The following FYB2 variants were observed in gnomAD, a reference collection of about 807,000 sequenced individuals.
FYB2 encodes FYN binding protein 2, also known as FYN-binding protein 2.
FYB2 carries 103 observed loss-of-function variants against 94.1 expected under a neutral mutation model. The ratio of observed to expected loss-of-function variants is 1.09; its 90% CI spans 0.93 to 1.29. The LOEUF is 1.29. Ranked by LOEUF, FYB2 falls within the 50% of genes most tolerant of loss-of-function variation. FYB2 has a pLI of 0.00. For synonymous variants in FYB2, 293 were observed against 287.9 expected (o/e 1.02, Z -0.18); for missense variants, 896 against 841.5 (o/e 1.06, Z -0.80).
chr1:56,744,860 C>CT (rs1400628998), intron 9 of FYB2, among the ~76,000 whole-genome samples: 1 of 152,026 alleles, frequency 6.6e-6, no homozygotes, highest in Non-Finnish European at 1.5e-5. Context: ...ACTGCCACCT[C>CT]TTTATCTGTT....
At chr1:56,793,427 A>G (rs1016060383) in intron 1 of FYB2, among the ~76,000 whole-genome samples, 4 of 152,148 alleles carry the variant, frequency 2.6e-5, no homozygotes, top group African/African-American at 9.7e-5. Context: ...ACTTAATTCA[A>G]TATGCAAAAA....
intron 1 of FYB2, among the ~76,000 whole-genome samples, chr1:56,798,649 GATAATA>G (rs924890636): frequency 6.6e-6 from 1 of 151,870 alleles, no homozygotes; most frequent in African/African-American, 2.4e-5. Context: ...AAGGAATAAT[GATAATA>G]ATAATAATAA....
At chr1:56,752,476 G>A (rs1481074380) in intron 8 of FYB2, among the ~76,000 whole-genome samples, 2 of 152,036 alleles carry the variant, frequency 1.3e-5, no homozygotes, top group Non-Finnish European at 2.9e-5. Context: ...GTAATTAATA[G>A]ACATAAGGAG....
chr1:56,803,567 T>G (rs1646570187), intron 1 of FYB2, among the ~76,000 whole-genome samples: 1 of 152,228 alleles, frequency 6.6e-6, no homozygotes, highest in South Asian at 2.1e-4. Flanking sequence ...CACACAAAAA[T>G]GTTGCAGGGA....
At chr1:56,759,610 G>T (rs1183880785) in intron 5 of FYB2, among the ~76,000 whole-genome samples, 1 of 152,110 alleles carries the variant, frequency 6.6e-6, no homozygotes, top group African/African-American at 2.4e-5. Flanking sequence ...TGTAGCACAT[G>T]ACTATATTAA....
In FYB2 at chr1:56,792,636, G is replaced by A. The variant is rs1646298664; in HGVS notation, c.177C>T (p.His59=). 4 of 1,614,118 alleles carry A rather than the reference G, an allele frequency of 2.5e-6. No individual in the cohort carries two copies. The highest frequency in any genetic ancestry group is 3.4e-6 in the Non-Finnish European group (4 of 1,180,012). ...TGGAACAGTATGGTGTGCGCTGCTT[G>A]TGGTTGGATGAGAGGGGTTTCCCAT... is the stretch of plus-strand genomic sequence containing the variant. The part of the protein sequence containing the change: ...LANGKPLSSN[H]KQRTPYCSSS... The change falls in exon 2 of 20, where the codon CAC becomes CAT. Residue 59 remains histidine, a synonymous_variant. Transcript: ENST00000343433.
intron 5 of FYB2, among the ~76,000 whole-genome samples, chr1:56,765,888 A>G (rs528714085): frequency 4.6e-5 from 7 of 152,286 alleles, no homozygotes; most frequent in Non-Finnish European, 5.9e-5. Context: ...AATAGGACAA[A>G]AGTACATCTG....
chr1:56,778,919 T>C (rs1048199348), intron 4 of FYB2, among the ~76,000 whole-genome samples: 1 of 152,160 alleles, frequency 6.6e-6, no homozygotes, highest in Non-Finnish European at 1.5e-5. Flanking sequence ...TGGAGTTCAA[T>C]AATTATTGAA....
At chr1:56,736,443 T>TTTC (rs1644832875) in intron 15 of FYB2, among the ~76,000 whole-genome samples, 1 of 144,452 alleles carries the variant, frequency 6.9e-6, no homozygotes, top group African/African-American at 2.5e-5. Context: ...TTTTTTTTTT[T>TTTC]GGAACAGAGC....
rs189291210 is a variant in FYB2 at position 56,815,023 on chromosome 1, G to A, written c.9+4259C>T. The stretch of plus-strand genomic sequence containing the variant: ...CATCTTAGAGGTGAAGCCTCTCAGT[G>A]GCTCTCTTGGCTTACAGGATAAAGT... On this transcript the variant is annotated intron_variant, in intron 1 of 19. Coordinates refer to ENST00000343433, the MANE Select transcript of FYB2 (RefSeq NM_001004303.5). Among the ~76,000 whole-genome samples the A allele has an allele frequency of 5.9e-5, 9 of 152,194 alleles. No individual in the cohort carries two copies. The Middle Eastern group carries it at 0.01, about 173-fold the overall frequency.
intron 4 of FYB2, among the ~76,000 whole-genome samples, chr1:56,778,898 G>A (rs1351425053): frequency 2.0e-5 from 3 of 152,130 alleles, no homozygotes; most frequent in East Asian, 1.9e-4. Flanking sequence ...GAAAAATGGC[G>A]GGCACATAGT....
intron 1 of FYB2, among the ~76,000 whole-genome samples, chr1:56,793,144 C>T (rs1646313617): frequency 6.6e-6 from 1 of 152,118 alleles, no homozygotes; most frequent in Admixed American, 6.6e-5. Context: ...TCCCCACAAC[C>T]TATAAAAATA....
At chr1:56,769,494 G>T (rs1353768696) in intron 4 of FYB2, among the ~76,000 whole-genome samples, 1 of 151,988 alleles carries the variant, frequency 6.6e-6, no homozygotes, top group Admixed American at 6.6e-5. Flanking sequence ...GAAAGAGAAT[G>T]ATGTAAAGGA....
intron 17 of FYB2, chr1:56,720,996 A>C (rs530280736): frequency 2.0e-5 from 3 of 152,014 alleles, no homozygotes; most frequent in African/African-American, 7.2e-5. Context: ...GTGTGAGCTT[A>C]TGTATTCTTA....
chr1:56,758,477 A>G (rs140872494), intron 6 of FYB2, among the ~76,000 whole-genome samples: 2,138 of 152,188 alleles, frequency 0.014, 23 homozygotes, highest in Non-Finnish European at 0.02. Flanking sequence ...ACTGCCCACC[A>G]CAGAAAAGGG....
At chr1:56,786,171 G>A (rs571999506) in intron 4 of FYB2, among the ~76,000 whole-genome samples, 52 of 152,284 alleles carry the variant, frequency 3.4e-4, no homozygotes, top group Non-Finnish European at 6.6e-4. Context: ...AGCCAATATT[G>A]CAAAGTTGCC....
chr1:56,808,155 T>C (rs528564850), intron 1 of FYB2, among the ~76,000 whole-genome samples: 1 of 152,278 alleles, frequency 6.6e-6, no homozygotes, highest in African/African-American at 2.4e-5. Context: ...TCTGCCACTA[T>C]ACAGCATTAG....
chr1:56,789,968 T>C (rs973868229), intron 2 of FYB2, among the ~76,000 whole-genome samples: 1 of 152,214 alleles, frequency 6.6e-6, no homozygotes, highest in African/African-American at 2.4e-5. Context: ...TCTGGGCACC[T>C]GTGTCCTGGA....
At chr1:56,744,126 T>C in intron 10 of FYB2, 26 bp downstream of exon 10, 1 of 1,611,552 alleles carries the variant, frequency 6.2e-7, no homozygotes, top group Non-Finnish European at 8.5e-7. Context: ...ACATTCATCT[T>C]GCTGAAAGAC....
Sources: gnomAD v4.1 joint callset for allele counts (sites outside exome capture counted in the v4.1 genomes callset) on GRCh38, gnomAD v4.1.1 for gene constraint, MANE v1.5 for transcripts, NCBI Gene and HGNC (gene_info 2026-07-23, HGNC 2026-07-21) for gene names.